PTPRN2: variants seen among roughly 807,000 people sequenced by gnomAD.
PTPRN2 encodes receptor-type tyrosine-protein phosphatase N2.
PTPRN2 carries 74 observed loss-of-function variants against 118.8 expected under a neutral mutation model. The observed-to-expected ratio is 0.62, with a 90% CI of 0.52 to 0.76. The LOEUF (loss-of-function observed/expected upper bound fraction) is 0.76. Among genes scored for constraint, PTPRN2 ranks in the 30% least tolerant of loss-of-function variants. PTPRN2 has a pLI of 0.00. For synonymous variants in PTPRN2, 641 were observed against 608.0 expected, an observed-to-expected ratio of 1.05 and a Z score of -0.80; for missense variants, 1,481 against 1,394.4, an observed-to-expected ratio of 1.06 and a Z score of -0.99.
At chr7:157,724,429 A>C (rs1367263513) in intron 12 of PTPRN2, among the ~76,000 whole-genome samples, 1 of 152,248 alleles carries the variant, frequency 6.6e-6, no homozygotes, top group Non-Finnish European at 1.5e-5. Flanking sequence ...TTCCTGGTTA[A>C]ATTTACTTTA....
At chr7:158,263,564 C>T (rs534538929) in intron 3 of PTPRN2, among the ~76,000 whole-genome samples, 2 of 152,356 alleles carry the variant, frequency 1.3e-5, no homozygotes, top group South Asian at 2.1e-4. Context: ...TTTGCCCCAC[C>T]GTTGTTTGTG....
chr7:158,292,189 A>G (rs958398942), intron 3 of PTPRN2, among the ~76,000 whole-genome samples: 4 of 152,126 alleles, frequency 2.6e-5, no homozygotes, highest in African/African-American at 9.7e-5. Context: ...GATAGGTCTC[A>G]ATTTCCTCCT....
In PTPRN2 at chr7:158,138,300, A is replaced by T; in HGVS notation, c.1126T>A (p.Phe376Ile). Residue 376 changes from phenylalanine (F) to isoleucine (I), a missense_variant, in exon 7 of 23, where the codon TTT becomes ATT. By Grantham distance (21) the Phe-to-Ile change is conservative. This residue lies in a region of PTPRN2 where 1,115 missense variants were observed against 994.2 expected (regional missense o/e 1.12). Coordinates refer to ENST00000389418, the MANE Select transcript of PTPRN2 (RefSeq NM_002847.5). The stretch of plus-strand genomic sequence containing the variant: ...CCCATGGCGCTGCAGTCACCTGGAA[A>T]GCTGTCTCCACGGAGGGTGGCCTTG... ...GPKATLRGDS[F>I]PDDGVQDDDD... 6.2e-7 allele frequency: 1 copy of T among 1,612,848 alleles called. No homozygotes were observed.
At chr7:157,814,678 C>T (rs996681546) in intron 12 of PTPRN2, among the ~76,000 whole-genome samples, 2 of 152,226 alleles carry the variant, frequency 1.3e-5, no homozygotes, top group African/African-American at 2.4e-5. Context: ...GGCAAGGAGG[C>T]GAGAAGCGGG....
In PTPRN2 at chr7:157,898,683, C is replaced by T; in HGVS notation, c.1778G>A (p.Gly593Glu). Residue 593 changes from glycine (G) to glutamate (E), a missense_variant, in exon 12 of 23, where the codon GGA becomes GAA. By Grantham distance (98) the Gly-to-Glu change is moderately conservative. This residue lies in a region of PTPRN2 where 1,115 missense variants were observed against 994.2 expected (regional missense o/e 1.12). Coordinates refer to ENST00000389418, the MANE Select transcript of PTPRN2 (RefSeq NM_002847.5). ...CCTTCTGTTACTCACCGACCCGACT[C>T]CGGTTTGAAGAATTTTCAGTCCAGA... Reference protein sequence around the residue: ...ETSGLKILQTGVGSKSKLKFL... With the variant: ...ETSGLKILQTEVGSKSKLKFL... The T allele has an allele frequency of 2.5e-6, 4 of 1,601,562 alleles. No individual in the cohort carries two copies. Among genetic ancestry groups the T allele is most frequent in the Non-Finnish European group, 3.4e-6 (4 of 1,168,516 alleles).
rs1275954528 is a variant in PTPRN2, at chr7:158,151,140, TATTCC to T, written c.911-12630_911-12626del. Among the ~76,000 whole-genome samples the T allele has an allele frequency of 2.0e-3, 192 of 93,996 alleles. 7 individuals are homozygous for T. The highest frequency in any genetic ancestry group is 7.4e-3 in the African/African-American group (180 of 24,176). The allele number at this position is 93,996 out of a possible 152,430, so 61.7% of individuals were successfully genotyped here. A position where few individuals can be genotyped will look rare whatever the true frequency, so the allele number is the denominator to read the frequency against. On this transcript the variant is annotated intron_variant, in intron 6 of 22. Coordinates refer to ENST00000389418, the MANE Select transcript of PTPRN2 (RefSeq NM_002847.5). ...CCCCTGCCCACACCGCCCGCCTTTC[TATTCC>T]TGCCTCTCCCTGCCCACACCGCCCG...
intron 10 of PTPRN2, among the ~76,000 whole-genome samples, chr7:158,109,792 C>T (rs1159198051): frequency 6.6e-6 from 1 of 151,492 alleles, no homozygotes; most frequent in African/African-American, 2.4e-5. Context: ...ATGACGTTAC[C>T]CCGGTGTGAG....
chr7:157,663,131 C>T (rs1333233812), intron 13 of PTPRN2, among the ~76,000 whole-genome samples: 3 of 152,056 alleles, frequency 2.0e-5, no homozygotes, highest in African/African-American at 7.2e-5. Flanking sequence ...GAGCTCCACC[C>T]CCGGCCATAA....
At chr7:157,685,311 C>T (rs915893280) in intron 12 of PTPRN2, among the ~76,000 whole-genome samples, 1 of 151,984 alleles carries the variant, frequency 6.6e-6, no homozygotes, top group Non-Finnish European at 1.5e-5. Flanking sequence ...TGACTGCGCC[C>T]GGGAACAGGG....
Position 158,509,076 on chromosome 7 carries a change from G to A in PTPRN2, c.113-19291C>T, listed in dbSNP as rs1410170157. On this transcript the variant is annotated intron_variant, in intron 1 of 22. Transcript: ENST00000389418. The surrounding 1 kb of genome is among the most constrained non-coding windows in gnomAD (Gnocchi z 4.4). ...GGTGGGTGGTTTCTAAAGATAAGAA[G>A]GGGAGGAAGAAGATGGGGACTGGGA... Among the ~76,000 whole-genome samples, 1 of 152,058 alleles carries A rather than the reference G, an allele frequency of 6.6e-6. No individual in the cohort carries two copies. The highest frequency in any genetic ancestry group is 1.5e-5 in the Non-Finnish European group (1 of 68,024).
intron 2 of PTPRN2, among the ~76,000 whole-genome samples, chr7:158,397,938 T>C (rs1207862407): frequency 6.6e-6 from 1 of 152,056 alleles, no homozygotes; most frequent in East Asian, 1.9e-4. Flanking sequence ...GAGGTGTGCA[T>C]GATAACAAGG....
intron 12 of PTPRN2, among the ~76,000 whole-genome samples, chr7:157,812,695 G>A (rs903211398): frequency 4.9e-4 from 75 of 152,086 alleles, no homozygotes; most frequent in African/African-American, 1.8e-3. Context: ...TTGGTAGCCG[G>A]GTGCTGGCCA....
intron 3 of PTPRN2, among the ~76,000 whole-genome samples, chr7:158,311,045 A>G (rs1586202783): frequency 6.6e-6 from 1 of 152,170 alleles, no homozygotes; most frequent in East Asian, 1.9e-4. Flanking sequence ...AAAGCCTCCA[A>G]GCTCCAAGGG....
chr7:157,854,124 A>T (rs1239785161), intron 12 of PTPRN2, among the ~76,000 whole-genome samples: 3 of 152,236 alleles, frequency 2.0e-5, no homozygotes, highest in Non-Finnish European at 4.4e-5. Context: ...CTGTCACAGC[A>T]GCCAAGGCCA....
In PTPRN2 at chr7:157,868,227, C is replaced by A. The variant is rs1810835368; in HGVS notation, c.1788+30446G>T. Among the ~76,000 whole-genome samples the A allele has an allele frequency of 6.6e-6, 1 of 152,220 alleles. No individual in the cohort carries two copies. The highest frequency in any genetic ancestry group is 1.5e-5 in the Non-Finnish European group (1 of 68,030). ...CAGCCCAGTGGTGCACCTACAACTG[C>A]TTCCCATCGAGGTGGTGGGCTGGGA... On this transcript the variant is annotated intron_variant, in intron 12 of 22. Transcript: ENST00000389418. This position sits in a 1 kb window ranked among gnomAD's most constrained non-coding sequence, Gnocchi z 5.2.
intron 6 of PTPRN2, among the ~76,000 whole-genome samples, chr7:158,140,146 C>A (rs951312756): frequency 6.6e-6 from 1 of 152,142 alleles, no homozygotes; most frequent in Non-Finnish European, 1.5e-5. Flanking sequence ...AAAATTATTA[C>A]CACTTTAAGG....
chr7:158,271,032 CCT>C (rs1798459109), intron 3 of PTPRN2, among the ~76,000 whole-genome samples: 1 of 144,484 alleles, frequency 6.9e-6, no homozygotes, highest in African/African-American at 2.6e-5. Flanking sequence ...TGGACGGCCC[CCT>C]CCACCTGGGC....
intron 12 of PTPRN2, among the ~76,000 whole-genome samples, chr7:157,804,152 C>T (rs1429383920): frequency 6.6e-6 from 1 of 152,224 alleles, no homozygotes; most frequent in Non-Finnish European, 1.5e-5. Flanking sequence ...TATTTCGTAG[C>T]ATCTAATTCC....
At position 157,577,934 on chromosome 7, in the gene PTPRN2, G is replaced by A. The variant is rs1314368124; in HGVS notation, c.2616+87C>T. On this transcript the variant is annotated intron_variant, in intron 18 of 22. Coordinates refer to ENST00000389418, the MANE Select transcript of PTPRN2 (RefSeq NM_002847.5). ...GCCTCCCTGCATGCGGCCCTGGGGGGCCCTAACGAATCCCATTCGGAGGAG... is the reference window on the plus strand; with the variant it reads ...GCCTCCCTGCATGCGGCCCTGGGGGACCCTAACGAATCCCATTCGGAGGAG... 7.0e-6 allele frequency: 10 copies of A among 1,432,834 alleles called. No individual in the cohort carries two copies. The East Asian group carries it at 1.9e-4, about 27-fold the overall frequency. 88.8% of individuals were successfully genotyped at this position (1,432,834 alleles called of 1,614,324 possible). A position where few individuals can be genotyped will look rare whatever the true frequency, so the allele number is the denominator to read the frequency against.
Sources: allele counts gnomAD v4.1 joint callset (sites outside exome capture counted in the v4.1 genomes callset), GRCh38; gene constraint gnomAD v4.1.1; regional missense constraint gnomAD v4.1.1; non-coding constraint Gnocchi (gnomAD v3.1); transcripts MANE v1.5; gene names NCBI Gene and HGNC (gene_info 2026-07-23, HGNC 2026-07-21).